The following NEXMIF variants were observed in gnomAD, a reference collection of about 807,000 sequenced individuals.
NEXMIF encodes XLMR protein related to neurite extension.
Under a neutral mutation model 62.1 loss-of-function variants are expected in NEXMIF, and 8 were observed. The observed-to-expected ratio is 0.13, with a 90% CI of 0.08 to 0.23. The LOEUF (loss-of-function observed/expected upper bound fraction) is 0.23, where lower values mean the gene tolerates loss of function less well. Ranked by LOEUF, NEXMIF falls within the 10% of genes least tolerant of loss-of-function variation. NEXMIF has a pLI of 1.00. For missense variants in NEXMIF, 976 were observed against 1,113.3 expected (o/e 0.88, Z 1.75); for synonymous variants, 404 against 416.6 (o/e 0.97, Z 0.37).
chrX:74,924,409 C>T (rs2080836739), intron 1 of NEXMIF, among the ~76,000 whole-genome samples: 1 of 113,183 alleles, frequency 8.8e-6, no homozygotes, highest in African/African-American at 3.2e-5. Context: ...TCGCCACGGC[C>T]GCCCGGCTTC....
intron 1 of NEXMIF, among the ~76,000 whole-genome samples, chrX:74,876,989 A>G (rs1170554984): frequency 1.8e-5 from 2 of 111,597 alleles, no homozygotes; most frequent in Non-Finnish European, 3.8e-5. Context: ...TAGTCCATTT[A>G]CATTTAAAGT....
At chrX:74,871,794 A>T (rs1232018909) in intron 1 of NEXMIF, among the ~76,000 whole-genome samples, 1 of 111,580 alleles carries the variant, frequency 9.0e-6, no homozygotes. Flanking sequence ...TTTCCCTGAA[A>T]ATTGCTATTA....
intron 1 of NEXMIF, among the ~76,000 whole-genome samples, chrX:74,922,608 G>A (rs776399970): frequency 3.6e-5 from 4 of 111,697 alleles, no homozygotes; most frequent in African/African-American, 1.3e-4. Context: ...ATTTGGTGAA[G>A]GTCTCTCAAA....
At chrX:74,886,783 G>T (rs1476743839) in intron 1 of NEXMIF, among the ~76,000 whole-genome samples, 1 of 108,104 alleles carries the variant, frequency 9.3e-6, no homozygotes, top group Non-Finnish European at 1.9e-5. Context: ...TTTCTTCACA[G>T]AATTGGAAAA....
At chrX:74,791,373 G>T (rs1335566878) in intron 1 of NEXMIF, among the ~76,000 whole-genome samples, 2 of 111,404 alleles carry the variant, frequency 1.8e-5, no homozygotes, top group East Asian at 2.8e-4. Flanking sequence ...GCTGGATTCG[G>T]TTTGCCAGTA....
intron 1 of NEXMIF, among the ~76,000 whole-genome samples, chrX:74,763,923 T>C (rs1290074193): frequency 2.7e-5 from 3 of 111,803 alleles, no homozygotes; most frequent in African/African-American, 9.8e-5. Context: ...ACAGGGACAA[T>C]TTGACTTCCT....
chrX:74,872,562 CACTT>C (rs1224792289), intron 1 of NEXMIF, among the ~76,000 whole-genome samples: 4 of 108,959 alleles, frequency 3.7e-5, no homozygotes, highest in Non-Finnish European at 7.6e-5. Flanking sequence ...TTACTATAGT[CACTT>C]AGTAAATATA....
At chrX:74,829,236 C>T (rs932184637) in intron 1 of NEXMIF, among the ~76,000 whole-genome samples, 8 of 111,690 alleles carry the variant, frequency 7.2e-5, no homozygotes, top group Non-Finnish European at 1.5e-4. Context: ...TTTAAATGTG[C>T]AATTATGTCC....
In NEXMIF at chrX:74,737,971, C is replaced by T. The variant is rs1223832565; in HGVS notation, c.*1434G>A. On this transcript the variant is annotated 3_prime_UTR_variant, in exon 4 of 4. Transcript: ENST00000055682. ...CTTTATGATCTACAAAGCGCTCTCA[C>T]ATCCATTATCTCATCTGTGCCATAA... 1 of 111,354 alleles carries T rather than the reference C, an allele frequency of 9.0e-6. No individual in the cohort carries two copies. Among genetic ancestry groups the T allele is most frequent in the Non-Finnish European group, 1.9e-5 (1 of 53,108 alleles). 9.2% of individuals were successfully genotyped at this position (111,354 alleles called of 1,213,427 possible). A position where few individuals can be genotyped will look rare whatever the true frequency, so the allele number is the denominator to read the frequency against.
chrX:74,891,987 A>G (rs1411783109), intron 1 of NEXMIF, among the ~76,000 whole-genome samples: 1 of 112,531 alleles, frequency 8.9e-6, no homozygotes, highest in African/African-American at 3.2e-5. Context: ...GCACAGGGTC[A>G]GCAACGCTGG....
chrX:74,796,247 C>CAA (rs2080310741), intron 1 of NEXMIF, among the ~76,000 whole-genome samples: 1 of 17,774 alleles, frequency 5.6e-5, no homozygotes, highest in Non-Finnish European at 2.7e-4. Context: ...TATATATACA[C>CAA]ATATATATTA....
chrX:74,777,026 G>A (rs978449432), intron 1 of NEXMIF, among the ~76,000 whole-genome samples: 1 of 111,664 alleles, frequency 9.0e-6, no homozygotes, highest in African/African-American at 3.3e-5. Flanking sequence ...ATGAGTGCAA[G>A]TTTAAGTTCC....
At position 74,883,663 on chromosome X, in the gene NEXMIF, C is replaced by T. The variant is rs776450796; in HGVS notation, c.-48+41220G>A. On this transcript the variant is annotated intron_variant, in intron 1 of 3. Coordinates refer to ENST00000055682, the MANE Select transcript of NEXMIF (RefSeq NM_001008537.3). Reference sequence around the variant, plus strand: ...GGACTATGTGAAAAGACCAAATCTACGTCTAATTGGTGTATCTGAAAGTGA... The same window carrying T: ...GGACTATGTGAAAAGACCAAATCTATGTCTAATTGGTGTATCTGAAAGTGA... Among the ~76,000 whole-genome samples, 26 of 112,026 alleles carry T rather than the reference C, an allele frequency of 2.3e-4. No homozygotes were observed. The East Asian group carries it at 6.7e-3, about 29-fold the overall frequency.
At position 74,743,718 on chromosome X, in the gene NEXMIF, T is replaced by C. The variant is rs765627639; in HGVS notation, c.839A>G (p.Glu280Gly). ...IELLDLCSKN[E>G]LSVNLFSEED... Reference sequence around the variant, plus strand: ...TTCAGAGAATAGGTTGACAGACAGCTCATTTTTGGAACAGAGGTCAAGCAG... The same window carrying C: ...TTCAGAGAATAGGTTGACAGACAGCCCATTTTTGGAACAGAGGTCAAGCAG... Residue 280 changes from glutamate (E) to glycine (G), a missense_variant, in exon 3 of 4, where the codon GAG becomes GGG. By Grantham distance (98) the Glu-to-Gly change is moderately conservative. This residue lies in a region of NEXMIF where 45 missense variants were observed against 86.8 expected (regional missense o/e 0.52). Coordinates refer to ENST00000055682, the MANE Select transcript of NEXMIF (RefSeq NM_001008537.3). 1.7e-6 allele frequency: 2 copies of C among 1,211,900 alleles called. No individual in the cohort carries two copies. Among genetic ancestry groups the C allele is most frequent in the Non-Finnish European group, 2.2e-6 (2 of 895,461 alleles).
At chrX:74,778,224 G>A (rs904151638) in intron 1 of NEXMIF, among the ~76,000 whole-genome samples, 1 of 111,592 alleles carries the variant, frequency 9.0e-6, no homozygotes, top group Admixed American at 9.5e-5. Context: ...CACTGTGCAT[G>A]GTGCCTGATT....
At chrX:74,824,659 T>A (rs1309473980) in intron 1 of NEXMIF, among the ~76,000 whole-genome samples, 1 of 108,915 alleles carries the variant, frequency 9.2e-6, no homozygotes, top group Non-Finnish European at 1.9e-5. Flanking sequence ...TTAGTTTTTT[T>A]TTTTTTTGAG....
At chrX:74,865,054 AAATGGTACCAGTAG>A (rs1361979436) in intron 1 of NEXMIF, among the ~76,000 whole-genome samples, 1 of 112,015 alleles carries the variant, frequency 8.9e-6, no homozygotes, top group Non-Finnish European at 1.9e-5. Flanking sequence ...TAATACAGTC[AAATGGTACCAGTAG>A]AGTGGAGTAC....
intron 1 of NEXMIF, among the ~76,000 whole-genome samples, chrX:74,878,556 G>T (rs1459270521): frequency 8.9e-6 from 1 of 112,764 alleles, no homozygotes; most frequent in Non-Finnish European, 1.9e-5. Context: ...ACCTAAGCAA[G>T]CCTGGGCAAT....
chrX:74,860,306 T>C (rs1431243195), intron 1 of NEXMIF, among the ~76,000 whole-genome samples: 1 of 111,727 alleles, frequency 9.0e-6, no homozygotes, highest in Admixed American at 9.5e-5. Flanking sequence ...TACAATAAAA[T>C]CTAGAGACTT....
Sources: gnomAD v4.1 joint callset for allele counts (sites outside exome capture counted in the v4.1 genomes callset) on GRCh38, gnomAD v4.1.1 for gene constraint, gnomAD v4.1.1 regional missense constraint, MANE v1.5 for transcripts, NCBI Gene and HGNC (gene_info 2026-07-23, HGNC 2026-07-21) for gene names.